The following SLC24A3 variants were observed in gnomAD, a reference collection of about 807,000 sequenced individuals.
SLC24A3 encodes solute carrier family 24 member 3.
In SLC24A3, 28 loss-of-function variants were observed where a neutral mutation model predicts 75.8. The observed-to-expected ratio is 0.37, with a 90% CI of 0.27 to 0.51. SLC24A3 has a LOEUF of 0.51. Among genes scored for constraint, SLC24A3 ranks in the 20% least tolerant of loss-of-function variants. The probability of loss-of-function intolerance (pLI) is 0.94; values close to 1 mark genes in which losing one functional copy is unlikely to be tolerated. For synonymous variants in SLC24A3, 372 were observed against 334.1 expected (o/e 1.11, Z -1.24); for missense variants, 663 against 847.8 (o/e 0.78, Z 2.71).
At chr20:19,274,631 G>A (rs1338812181) in intron 1 of SLC24A3, among the ~76,000 whole-genome samples, 3 of 152,126 alleles carry the variant, frequency 2.0e-5, no homozygotes, top group Non-Finnish European at 4.4e-5. Flanking sequence ...GAAAACCCAT[G>A]AGAAAAATCT....
In SLC24A3 at chr20:19,586,515, C is replaced by T. The variant is rs552705624; in HGVS notation, c.612+971C>T. Among the ~76,000 whole-genome samples, 227 of 152,236 alleles carry T rather than the reference C, an allele frequency of 1.5e-3. 1 individual carries two copies. Among genetic ancestry groups the T allele is most frequent in the Middle Eastern group, 3.4e-3 (1 of 294 alleles). On this transcript the variant is annotated intron_variant, in intron 6 of 16. Coordinates refer to ENST00000328041, the MANE Select transcript of SLC24A3 (RefSeq NM_020689.4). ...TGGGTCAGGGGGCTAAGGAAAGCCC[C>T]GGGGCAGCCTTCCCCCTACCCTTTG...
At chr20:19,489,127 C>G (rs1457548277) in intron 2 of SLC24A3, among the ~76,000 whole-genome samples, 4 of 152,216 alleles carry the variant, frequency 2.6e-5, no homozygotes, top group Admixed American at 6.5e-5. Context: ...CTAATTCAAT[C>G]TATACATTCA....
chr20:19,698,719 G>A lies in SLC24A3; in HGVS notation c.1719+39G>A, dbSNP rs530218020. The A allele has an allele frequency of 2.0e-6, 3 of 1,466,534 alleles. No individual in the cohort carries two copies. In the East Asian group the frequency reaches 7.4e-5, roughly 36 times the overall value. 90.8% of individuals were successfully genotyped at this position (1,466,534 alleles called of 1,614,324 possible). A position where few individuals can be genotyped will look rare whatever the true frequency, so the allele number is the denominator to read the frequency against. ...TCCAGGACTTCTCCTGAAATCCAGG[G>A]CTACGTGACTGTGTTTTAACAGCCT... On this transcript the variant is annotated intron_variant, in intron 15 of 16. Coordinates refer to ENST00000328041, the MANE Select transcript of SLC24A3 (RefSeq NM_020689.4).
intron 7 of SLC24A3, among the ~76,000 whole-genome samples, chr20:19,654,486 C>T (rs1188030651): frequency 2.0e-5 from 3 of 151,860 alleles, no homozygotes; most frequent in East Asian, 3.9e-4. Flanking sequence ...GCCAGGACTC[C>T]CTGCCCTCCC....
chr20:19,497,778 A>T (rs1363452722), intron 2 of SLC24A3, among the ~76,000 whole-genome samples: 1 of 152,110 alleles, frequency 6.6e-6, no homozygotes, highest in African/African-American at 2.4e-5. Flanking sequence ...AGAGCATGCA[A>T]TGGGAACAAT....
intron 5 of SLC24A3, 62 bp from the exon 6 acceptor site, chr20:19,585,379 A>G: frequency 1.3e-6 from 2 of 1,503,650 alleles, no homozygotes; most frequent in Non-Finnish European, 9.2e-7. Context: ...AAGGTTCCCC[A>G]TGCCCACCTT....
chr20:19,677,211 G>C (rs1259477901), intron 9 of SLC24A3, among the ~76,000 whole-genome samples: 1 of 150,726 alleles, frequency 6.6e-6, no homozygotes, highest in African/African-American at 2.5e-5. Context: ...TGTGATCCCA[G>C]CTATTCAGAA....
At chr20:19,320,756 T>G (rs1984688841) in intron 2 of SLC24A3, among the ~76,000 whole-genome samples, 1 of 152,140 alleles carries the variant, frequency 6.6e-6, no homozygotes, top group African/African-American at 2.4e-5. Flanking sequence ...TTGTAATACC[T>G]ATTGCAATGT....
Position 19,387,739 on chromosome 20 carries a change from A to G in SLC24A3, c.271+106652A>G, listed in dbSNP as rs1249755607. Among the ~76,000 whole-genome samples, 6 of 152,182 alleles carry G rather than the reference A, an allele frequency of 3.9e-5. No homozygotes were observed. The South Asian group carries it at 1.2e-3, about 31-fold the overall frequency. On this transcript the variant is annotated intron_variant, in intron 2 of 16. Transcript: ENST00000328041. ...GTTAAGACTTGTTTTGTGGCCTAACATGATCTATCCCGGGAAACATTTCTT... is the reference window on the plus strand; with the variant it reads ...GTTAAGACTTGTTTTGTGGCCTAACGTGATCTATCCCGGGAAACATTTCTT...
chr20:19,565,403 C>T (rs372716628), intron 3 of SLC24A3, among the ~76,000 whole-genome samples: 45 of 84,840 alleles, frequency 5.3e-4, no homozygotes, highest in African/African-American at 1.3e-3. Context: ...TTTGTGTTCT[C>T]GGGGGGTGGG....
chr20:19,233,057 T>C (rs1352280958), intron 1 of SLC24A3, among the ~76,000 whole-genome samples: 2 of 152,260 alleles, frequency 1.3e-5, no homozygotes, highest in East Asian at 1.9e-4. Context: ...TAAACAGATA[T>C]CTTGTTTTTC....
intron 2 of SLC24A3, among the ~76,000 whole-genome samples, chr20:19,442,668 T>C (rs1987315757): frequency 6.6e-6 from 1 of 152,220 alleles, no homozygotes; most frequent in Non-Finnish European, 1.5e-5. Context: ...CTTTTCACTC[T>C]CTGAGCAGTG....
At chr20:19,591,305 G>T (rs574664889) in intron 6 of SLC24A3, among the ~76,000 whole-genome samples, 1 of 151,998 alleles carries the variant, frequency 6.6e-6, no homozygotes. Context: ...CTAATTAGAA[G>T]CTTTCAGTTT....
intron 2 of SLC24A3, among the ~76,000 whole-genome samples, chr20:19,334,155 T>C (rs559147420): frequency 1.3e-5 from 2 of 152,134 alleles, no homozygotes; most frequent in Admixed American, 1.3e-4. Context: ...TCTCCGTGAG[T>C]ATGGTCCGTT....
chr20:19,699,763 T>G (rs2032850559), intron 15 of SLC24A3, among the ~76,000 whole-genome samples: 1 of 152,180 alleles, frequency 6.6e-6, no homozygotes, highest in Non-Finnish European at 1.5e-5. Context: ...CAGGAAGTGC[T>G]TTCTCCCTTG....
At chr20:19,656,238 T>A (rs2032264069) in intron 7 of SLC24A3, among the ~76,000 whole-genome samples, 1 of 152,134 alleles carries the variant, frequency 6.6e-6, no homozygotes, top group African/African-American at 2.4e-5. Flanking sequence ...TGCCAGCAAG[T>A]CAATATTCCT....
At chr20:19,341,532 G>A (rs187637401) in intron 2 of SLC24A3, among the ~76,000 whole-genome samples, 1 of 152,266 alleles carries the variant, frequency 6.6e-6, no homozygotes, top group African/African-American at 2.4e-5. Flanking sequence ...CAGAAACAAG[G>A]TCATCTGCTT....
At chr20:19,560,027 C>T (rs191577840) in intron 3 of SLC24A3, among the ~76,000 whole-genome samples, 5 of 152,222 alleles carry the variant, frequency 3.3e-5, no homozygotes, top group African/African-American at 7.2e-5. Context: ...TTACAACAGT[C>T]CTGAATTTTT....
chr20:19,321,479 A>G (rs983213058), intron 2 of SLC24A3, among the ~76,000 whole-genome samples: 2 of 152,220 alleles, frequency 1.3e-5, no homozygotes, highest in African/African-American at 4.8e-5. Context: ...AGGAAAGGAA[A>G]GGAAACTTAG....
Sources: gnomAD v4.1 joint callset for allele counts (sites outside exome capture counted in the v4.1 genomes callset) on GRCh38, gnomAD v4.1.1 for gene constraint, MANE v1.5 for transcripts, NCBI Gene and HGNC (gene_info 2026-07-23, HGNC 2026-07-21) for gene names.